The following SPATA13 variants were observed in gnomAD, a reference collection of about 807,000 sequenced individuals.
SPATA13 encodes the protein spermatogenesis-associated protein 13.
SPATA13 carries 50 observed loss-of-function variants against 104.0 expected under a neutral mutation model. The observed-to-expected ratio is 0.48, with a 90% CI of 0.38 to 0.61. The LOEUF (loss-of-function observed/expected upper bound fraction) is 0.61, where lower values mean the gene tolerates loss of function less well. SPATA13 is among the 20% of genes least tolerant of loss of function. SPATA13 has a pLI of 0.00. For missense variants in SPATA13, 1,524 were observed against 1,690.6 expected (o/e 0.90, Z 1.73); for synonymous variants, 606 against 667.5 (o/e 0.91, Z 1.42).
intron 1 of SPATA13, among the ~76,000 whole-genome samples, chr13:24,164,834 T>C (rs1423985231): frequency 1.3e-5 from 2 of 151,980 alleles, no homozygotes; most frequent in Non-Finnish European, 2.9e-5. Context: ...GAGCTGAAGG[T>C]GAAGCTGGAG....
chr13:24,141,917 C>T (rs181503056), intron 3 of SPATA13, among the ~76,000 whole-genome samples: 14 of 152,212 alleles, frequency 9.2e-5, no homozygotes, highest in Admixed American at 3.3e-4. Flanking sequence ...TTTAACTGGG[C>T]GTGCAAATGG....
intron 2 of SPATA13, among the ~76,000 whole-genome samples, chr13:24,000,973 G>A (rs961917543): frequency 8.5e-5 from 13 of 152,240 alleles, no homozygotes; most frequent in Admixed American, 3.3e-4. Context: ...CTGTAACATA[G>A]CACCACTGTT....
intron 3 of SPATA13, among the ~76,000 whole-genome samples, chr13:24,145,162 G>T (rs989063097): frequency 5.3e-5 from 8 of 152,210 alleles, no homozygotes; most frequent in African/African-American, 1.9e-4. Flanking sequence ...GATGCTGGGG[G>T]TGTCAGAAAG....
chr13:24,292,995 CAAAAAAAAAAAAAAAAAAA>C (rs34221097), intron 9 of SPATA13, among the ~76,000 whole-genome samples: 1 of 23,932 alleles, frequency 4.2e-5, no homozygotes, highest in Non-Finnish European at 6.5e-5. Context: ...GACTTTGTCT[CAAAAAAAAAAAAAAAAAAA>C]AAAAAAAAGG....
rs143033936 is a variant in SPATA13 at position 24,088,453 on chromosome 13, C to A, written c.-112+70752C>A. 1.3e-5 allele frequency among the ~76,000 whole-genome samples: 2 copies of A among 152,264 alleles called. No homozygotes were observed. The highest frequency in any genetic ancestry group is 3.9e-4 in the East Asian group (2 of 5,178). On this transcript the variant is annotated intron_variant, in intron 3 of 14. Transcript: ENST00000424834. The surrounding 1 kb of genome is among the most constrained non-coding windows in gnomAD (Gnocchi z 4.3). ...AGATGAAGACACATGAGAACCCAAG[C>A]CCATCACCCTGGACATTGACACTTC...
Position 24,249,712 on chromosome 13 carries a change from G to A in SPATA13, c.1889G>A (p.Ser630Asn). Residue 630 changes from serine (S) to asparagine (N), a missense_variant, in exon 3 of 13, where the codon AGC becomes AAC. This residue lies in a region of SPATA13 where 1,089 missense variants were observed against 1,135.9 expected (regional missense o/e 0.96). Coordinates refer to ENST00000382108, the MANE Select transcript of SPATA13 (RefSeq NM_001166271.3). The stretch of plus-strand genomic sequence containing the variant: ...CCCCAGGCAAGCATGACTTCTGCCA[G>A]CCCTGAAGACCAGAATGCTCCAGTG... ...EDPQASMTSA[S>N]PEDQNAPVGC... is the part of the protein sequence containing the mutation. 6.2e-7 allele frequency: 1 copy of A among 1,613,708 alleles called. No individual in the cohort carries two copies. The highest frequency in any genetic ancestry group is 8.5e-7 in the Non-Finnish European group (1 of 1,179,850).
At chr13:24,208,547 C>G (rs1388873748) in intron 1 of SPATA13, among the ~76,000 whole-genome samples, 1 of 145,834 alleles carries the variant, frequency 6.9e-6, no homozygotes, top group South Asian at 2.3e-4. Context: ...TCCAGTGGAT[C>G]GGTTAGTCAT....
chr13:24,207,189 G>A (rs1325880457), intron 1 of SPATA13, among the ~76,000 whole-genome samples: 1 of 152,158 alleles, frequency 6.6e-6, no homozygotes, highest in Non-Finnish European at 1.5e-5. Flanking sequence ...GACACATGGT[G>A]GGGAACAACA....
At chr13:24,137,630 A>G (rs967615654) in intron 3 of SPATA13, among the ~76,000 whole-genome samples, 2 of 152,008 alleles carry the variant, frequency 1.3e-5, no homozygotes, top group African/African-American at 4.8e-5. Context: ...CGTGGTACGC[A>G]TGCCTCTAAT....
intron 3 of SPATA13, among the ~76,000 whole-genome samples, chr13:24,097,746 AC>A (rs1880128156): frequency 6.6e-6 from 1 of 152,164 alleles, no homozygotes; most frequent in South Asian, 2.1e-4. Context: ...AAGGAGAGGG[AC>A]CCCCCAACAT....
intron 3 of SPATA13, among the ~76,000 whole-genome samples, chr13:24,117,583 T>C (rs1312884116): frequency 6.6e-6 from 1 of 152,214 alleles, no homozygotes; most frequent in Non-Finnish European, 1.5e-5. Flanking sequence ...TCCAGTTCTC[T>C]GGAACTGCTT....
intron 3 of SPATA13, among the ~76,000 whole-genome samples, chr13:24,142,980 C>T (rs1210077789): frequency 2.0e-5 from 3 of 152,200 alleles, no homozygotes; most frequent in Non-Finnish European, 2.9e-5. Flanking sequence ...TTACAAACTG[C>T]TTCGGAGGTT....
At chr13:24,026,899 G>T (rs1375453305) in intron 3 of SPATA13, among the ~76,000 whole-genome samples, 2 of 152,066 alleles carry the variant, frequency 1.3e-5, no homozygotes, top group African/African-American at 2.4e-5. Context: ...ACCACACCTG[G>T]CCAACTGCTG....
intron 3 of SPATA13, among the ~76,000 whole-genome samples, chr13:24,147,993 C>T (rs1881988200): frequency 6.6e-6 from 1 of 152,218 alleles, no homozygotes; most frequent in African/African-American, 2.4e-5. Context: ...ATCCATTCAT[C>T]CACCACTGGA....
rs55881452 is a variant in SPATA13 at position 24,239,693 on chromosome 13, TAAAAAAAAAAA to T, written c.1654-9768_1654-9758del. Among the ~76,000 whole-genome samples, 18 of 46,940 alleles carry T rather than the reference TAAAAAAAAAAA, an allele frequency of 3.8e-4. 1 individual carries two copies. Among genetic ancestry groups the T allele is most frequent in the African/African-American group, 1.3e-3 (17 of 13,494 alleles). 30.8% of individuals were successfully genotyped at this position (46,940 alleles called of 152,430 possible). A position where few individuals can be genotyped will look rare whatever the true frequency, so the allele number is the denominator to read the frequency against. On this transcript the variant is annotated intron_variant, in intron 2 of 12. Coordinates refer to ENST00000382108, the MANE Select transcript of SPATA13 (RefSeq NM_001166271.3). ...CTGGGTGTCGGATAGAGACCATATC[TAAAAAAAAAAA>T]AAAAAAAAAAAAAAATAGAGAAAGC...
chr13:24,175,353 C>G (rs1386097095), intron 1 of SPATA13, among the ~76,000 whole-genome samples: 7 of 152,006 alleles, frequency 4.6e-5, no homozygotes, highest in Non-Finnish European at 2.9e-5. Context: ...CATAGGGAGG[C>G]TAAAAGTCTA....
intron 3 of SPATA13, among the ~76,000 whole-genome samples, chr13:24,081,556 C>T (rs537501051): frequency 1.7e-3 from 257 of 151,990 alleles, no homozygotes; most frequent in Non-Finnish European, 3.0e-3. Flanking sequence ...TGCATGTAAT[C>T]GCAGCACTTT....
intron 3 of SPATA13, among the ~76,000 whole-genome samples, chr13:24,038,204 C>T (rs1194609761): frequency 6.6e-6 from 1 of 152,158 alleles, no homozygotes; most frequent in Admixed American, 6.5e-5. Context: ...TGAGCCACCG[C>T]GCCCGGCCAA....
chr13:24,179,439 A>T (rs1868653075), intron 1 of SPATA13, among the ~76,000 whole-genome samples: 1 of 152,214 alleles, frequency 6.6e-6, no homozygotes, highest in Admixed American at 6.5e-5. Context: ...TGTGCTATTT[A>T]AAAATTTAAA....
Sources: allele counts gnomAD v4.1 joint callset (sites outside exome capture counted in the v4.1 genomes callset), GRCh38; gene constraint gnomAD v4.1.1; regional missense constraint gnomAD v4.1.1; non-coding constraint Gnocchi (gnomAD v3.1); transcripts MANE v1.5; gene names NCBI Gene and HGNC (gene_info 2026-07-23, HGNC 2026-07-21).